Variants in SMIM13 observed in about 807,000 individuals in gnomAD.
SMIM13 encodes the protein small integral membrane protein 13, also known as UPF0766 protein C6orf228.
Under a neutral mutation model 5.9 loss-of-function variants are expected in SMIM13, and 3 were observed. That is an observed-to-expected ratio of 0.51 (90% CI 0.23 to 1.31). SMIM13 has a LOEUF of 1.31. Among genes scored for constraint, SMIM13 ranks in the 40% most tolerant of loss-of-function variants. The pLI, the probability that SMIM13 is intolerant of heterozygous loss-of-function variation, is 0.18. For missense variants in SMIM13, 85 were observed against 109.9 expected (o/e 0.77, Z 1.01); for synonymous variants, 55 against 46.0 (o/e 1.19, Z -0.79).
intron 1 of SMIM13, among the ~76,000 whole-genome samples, chr6:11,117,797 T>C (rs1251418965): frequency 1.3e-5 from 2 of 151,932 alleles, no homozygotes; most frequent in Non-Finnish European, 1.5e-5. Flanking sequence ...TCACCCAGGC[T>C]GGAGTGCAGT....
At chr6:11,112,324 T>C (rs1409111877) in intron 1 of SMIM13, among the ~76,000 whole-genome samples, 1 of 152,030 alleles carries the variant, frequency 6.6e-6, no homozygotes, top group Non-Finnish European at 1.5e-5. Context: ...CAATCTTGGC[T>C]CACTGCAACC....
chr6:11,128,668 C>T (rs1758409913), intron 1 of SMIM13, among the ~76,000 whole-genome samples: 1 of 152,084 alleles, frequency 6.6e-6, no homozygotes. Flanking sequence ...AGCACTTTAG[C>T]CCATGGTGGT....
In SMIM13 at chr6:11,135,779, C is replaced by T. The variant is rs1295258398; in HGVS notation, c.*1177C>T. The T allele has an allele frequency of 6.6e-6, 1 of 152,224 alleles. No homozygotes were observed. Among genetic ancestry groups the T allele is most frequent in the Non-Finnish European group, 1.5e-5 (1 of 68,032 alleles). The allele number at this position is 152,224 out of a possible 1,614,324, so 9.4% of individuals were successfully genotyped here. ...TGATAAAAATCTGTTTAACTCAAAG[C>T]GCTGTTTCAATAAATATAAACATTT... is the stretch of plus-strand genomic sequence containing the variant. On this transcript the variant is annotated 3_prime_UTR_variant, in exon 2 of 2. Coordinates refer to ENST00000416247, the MANE Select transcript of SMIM13 (RefSeq NM_001135575.2).
rs34556394 is a variant in SMIM13 at position 11,097,668 on chromosome 6, CAA to C, written c.76+3294_76+3295del. Among the ~76,000 whole-genome samples, 123 of 109,936 alleles carry C rather than the reference CAA, an allele frequency of 1.1e-3. 1 individual carries two copies. The Middle Eastern group carries it at 0.019, about 17-fold the overall frequency. 72.1% of individuals were successfully genotyped at this position (109,936 alleles called of 152,430 possible). On this transcript the variant is annotated intron_variant, in intron 1 of 1. Transcript: ENST00000416247. ...GGGTGACAAGAGTGAAACTCCGTTT[CAA>C]AAAAAAAAAAAAAACCTTATCTCCA...
intron 1 of SMIM13, among the ~76,000 whole-genome samples, chr6:11,122,602 A>G (rs1341429763): frequency 6.6e-6 from 1 of 151,724 alleles, no homozygotes; most frequent in Non-Finnish European, 1.5e-5. Flanking sequence ...GGTCAGGCCT[A>G]TCTTCTTGTG....
intron 1 of SMIM13, among the ~76,000 whole-genome samples, chr6:11,100,680 AT>A (rs1393331322): frequency 2.0e-5 from 3 of 152,142 alleles, no homozygotes; most frequent in Non-Finnish European, 4.4e-5. Flanking sequence ...ATACCTGAAA[AT>A]GTCTCTATTT....
chr6:11,097,843 C>G (rs1757944827), intron 1 of SMIM13, among the ~76,000 whole-genome samples: 1 of 152,160 alleles, frequency 6.6e-6, no homozygotes, highest in Non-Finnish European at 1.5e-5. Context: ...TTTTACCCTT[C>G]TAGCGGTCAC....
At chr6:11,102,272 T>G (rs993251928) in intron 1 of SMIM13, among the ~76,000 whole-genome samples, 3 of 152,244 alleles carry the variant, frequency 2.0e-5, no homozygotes, top group African/African-American at 7.2e-5. Context: ...AATTGACTTT[T>G]GAAAAATCAA....
At chr6:11,094,488 C>A in intron 1 of SMIM13, 99 bp downstream of exon 1, 3 of 914,598 alleles carry the variant, frequency 3.3e-6, no homozygotes, top group Non-Finnish European at 4.9e-6. Context: ...AACAAAAGGG[C>A]GTGGACGGAC....
intron 1 of SMIM13, among the ~76,000 whole-genome samples, chr6:11,132,430 CAT>C (rs959952485): frequency 4.6e-5 from 7 of 152,096 alleles, no homozygotes; most frequent in African/African-American, 1.4e-4. Context: ...TAAATGAAAA[CAT>C]ATGTCCATGG....
intron 1 of SMIM13, among the ~76,000 whole-genome samples, chr6:11,111,465 C>A (rs1758165649): frequency 6.6e-6 from 1 of 152,168 alleles, no homozygotes; most frequent in Admixed American, 6.5e-5. Flanking sequence ...TGTCTCAGGT[C>A]TACTTAGTGC....
At chr6:11,123,156 G>A (rs934699211) in intron 1 of SMIM13, among the ~76,000 whole-genome samples, 9 of 152,164 alleles carry the variant, frequency 5.9e-5, no homozygotes, top group Non-Finnish European at 1.0e-4. Flanking sequence ...GAGATTCTAC[G>A]TTGTGTTTTT....
chr6:11,130,764 C>T (rs1185392052), intron 1 of SMIM13, among the ~76,000 whole-genome samples: 1 of 152,150 alleles, frequency 6.6e-6, no homozygotes, highest in East Asian at 1.9e-4. Context: ...CTACAGCTGT[C>T]CTTAGTTCCT....
intron 1 of SMIM13, 124 bp downstream of exon 1, chr6:11,094,513 C>A: frequency 1.3e-6 from 1 of 758,498 alleles, no homozygotes; most frequent in South Asian, 1.8e-5. Context: ...GTCTTAAAAT[C>A]AACTGTTGTC....
chr6:11,112,017 A>T (rs1213471439), intron 1 of SMIM13, among the ~76,000 whole-genome samples: 1 of 152,200 alleles, frequency 6.6e-6, no homozygotes. Context: ...AGATCTTATC[A>T]GGAAGTTGCT....
At chr6:11,132,199 A>G (rs1758457944) in intron 1 of SMIM13, among the ~76,000 whole-genome samples, 3 of 152,212 alleles carry the variant, frequency 2.0e-5, no homozygotes, top group Admixed American at 2.0e-4. Context: ...CATGAGGGAA[A>G]TGCAAATCAA....
intron 1 of SMIM13, among the ~76,000 whole-genome samples, chr6:11,115,587 T>G (rs978358662): frequency 6.6e-6 from 1 of 152,188 alleles, no homozygotes; most frequent in African/African-American, 2.4e-5. Context: ...TTAATTATAG[T>G]TTCAAAATCC....
chr6:11,127,921 C>T (rs1285715430), intron 1 of SMIM13, among the ~76,000 whole-genome samples: 1 of 152,182 alleles, frequency 6.6e-6, no homozygotes, highest in Non-Finnish European at 1.5e-5. Flanking sequence ...GGACAGTGGG[C>T]TTCCCTCTGG....
At chr6:11,104,864 G>C (rs750277998) in intron 1 of SMIM13, 8 of 1,614,184 alleles carry the variant, frequency 5.0e-6, no homozygotes, top group Non-Finnish European at 5.9e-6. Context: ...AATCTACAGT[G>C]AAAGTAACAT....
Sources: gnomAD v4.1 joint callset for allele counts (sites outside exome capture counted in the v4.1 genomes callset) on GRCh38, gnomAD v4.1.1 for gene constraint, MANE v1.5 for transcripts, NCBI Gene and HGNC (gene_info 2026-07-23, HGNC 2026-07-21) for gene names.